ST3GAL5: variants seen among roughly 807,000 people sequenced by gnomAD.
The protein encoded by ST3GAL5 is lactosylceramide alpha-2,3-sialyltransferase.
A neutral mutation model predicts 46.1 loss-of-function variants in ST3GAL5; 25 were observed. The observed-to-expected ratio is 0.54, with a 90% CI of 0.40 to 0.76. The LOEUF (loss-of-function observed/expected upper bound fraction) is 0.76, where lower values mean the gene tolerates loss of function less well. Among genes scored for constraint, ST3GAL5 ranks in the 30% least tolerant of loss-of-function variants. The probability of loss-of-function intolerance (pLI) is 0.00; values close to 1 mark genes in which losing one functional copy is unlikely to be tolerated. For synonymous variants in ST3GAL5, 182 were observed against 192.7 expected (o/e 0.94, Z 0.46); for missense variants, 431 against 521.2 (o/e 0.83, Z 1.69).
intron 6 of ST3GAL5, among the ~76,000 whole-genome samples, chr2:85,841,756 A>G (rs1394836542): frequency 2.0e-5 from 3 of 151,924 alleles, no homozygotes; most frequent in Non-Finnish European, 4.4e-5. Context: ...TGGTGTCCCC[A>G]CTCCCTCCTC....
chr2:85,846,940 T>C (rs1558651593), intron 4 of ST3GAL5: 1 of 222,404 alleles, frequency 4.5e-6, no homozygotes, highest in African/African-American at 2.3e-5. Flanking sequence ...AGGGAAAATC[T>C]AGTCCACCAT....
Position 85,851,649 on chromosome 2 carries a change from C to T in ST3GAL5, c.319-3445G>A, listed in dbSNP as rs1057432716. 3.0e-5 allele frequency: 39 copies of T among 1,289,320 alleles called. No homozygotes were observed. The African/African-American group carries it at 5.0e-4, about 17-fold the overall frequency. 79.9% of individuals were successfully genotyped at this position (1,289,320 alleles called of 1,614,324 possible). ...CTCTCTTCCCCCTCCACTGCTTGCC[C>T]ATAGCTCACAGCTCAGAAGAAAGTG... On this transcript the variant is annotated intron_variant, in intron 3 of 6. Transcript: ENST00000638572.
Position 85,888,812 on chromosome 2 carries a change from T to A in ST3GAL5, c.82+12A>T. Reference sequence around the variant, plus strand: ...GCCCCCGCGACGCCGAGGAGGGGGCTGCGCCACGTACCTCGGCCGGCAGGT... The same window carrying A: ...GCCCCCGCGACGCCGAGGAGGGGGCAGCGCCACGTACCTCGGCCGGCAGGT... On this transcript the variant is annotated intron_variant, in intron 1 of 6. Transcript: ENST00000638572. 2 of 1,234,818 alleles carry A rather than the reference T, an allele frequency of 1.6e-6. No homozygotes were observed. Among genetic ancestry groups the A allele is most frequent in the Non-Finnish European group, 2.0e-6 (2 of 991,008 alleles). The allele number at this position is 1,234,818 out of a possible 1,614,324, so 76.5% of individuals were successfully genotyped here.
intron 4 of ST3GAL5, chr2:85,847,453 T>C (rs1440795468): frequency 9.9e-7 from 1 of 1,011,292 alleles, no homozygotes; most frequent in African/African-American, 1.7e-5. Context: ...TTTTGTGTTT[T>C]TGTTTCAACT....
Position 85,888,911 on chromosome 2 carries a change from T to G in ST3GAL5, c.-6A>C. Reference sequence around the variant, plus strand: ...CCCGCCGCCTTCGTCCGCATACTAATGAGGGGGCGCCGGCCGGCCGCCAGC... The same window carrying G: ...CCCGCCGCCTTCGTCCGCATACTAAGGAGGGGGCGCCGGCCGGCCGCCAGC... On this transcript the variant is annotated 5_prime_UTR_variant, in exon 1 of 7. Transcript: ENST00000638572. The G allele has an allele frequency of 7.4e-7, 1 of 1,353,460 alleles. No homozygotes were observed. The highest frequency in any genetic ancestry group is 9.6e-7 in the Non-Finnish European group (1 of 1,045,940). The allele number at this position is 1,353,460 out of a possible 1,614,324, so 83.8% of individuals were successfully genotyped here.
rs916185846 is a variant in ST3GAL5, at chr2:85,888,840, C to T, written c.66G>A (p.Ala22=). 1.2e-4 allele frequency: 158 copies of T among 1,294,418 alleles called. No individual in the cohort carries two copies. Among genetic ancestry groups the T allele is most frequent in the African/African-American group, 1.5e-4 (10 of 64,584 alleles). 80.2% of individuals were successfully genotyped at this position (1,294,418 alleles called of 1,614,324 possible). A position where few individuals can be genotyped will look rare whatever the true frequency, so the allele number is the denominator to read the frequency against. Reference sequence around the variant, plus strand: ...GCCACGTACCTCGGCCGGCAGGTGCCGCCGCTGCCTCGGTCCGCGGCTGCA... The same window carrying T: ...GCCACGTACCTCGGCCGGCAGGTGCTGCCGCTGCCTCGGTCCGCGGCTGCA... ...RPLQPRTEAA[A]APAGRAMPSE... Residue 22 remains alanine, a synonymous_variant, in exon 1 of 7, where the codon GCG becomes GCA. Transcript: ENST00000638572.
At chr2:85,846,752 G>C (rs908543515) in intron 4 of ST3GAL5, 189 bp from the exon 5 acceptor site, 1 of 602,052 alleles carries the variant, frequency 1.7e-6, no homozygotes, top group Admixed American at 2.9e-5. Flanking sequence ...TTTAGTACTT[G>C]AGCGAACACT....
intron 1 of ST3GAL5, among the ~76,000 whole-genome samples, chr2:85,869,731 C>T (rs551542555): frequency 1.3e-5 from 2 of 152,278 alleles, no homozygotes; most frequent in African/African-American, 4.8e-5. Flanking sequence ...TTTGCCTCAG[C>T]GGGCAGGAAC....
At chr2:85,874,165 G>A (rs995293956) in intron 1 of ST3GAL5, among the ~76,000 whole-genome samples, 4 of 152,238 alleles carry the variant, frequency 2.6e-5, no homozygotes, top group Middle Eastern at 3.4e-3. Flanking sequence ...AGTGATTCTC[G>A]TGCTTTTTAA....
At position 85,888,943 on chromosome 2, in the gene ST3GAL5, CCCCGCGCCCCCA is replaced by C; in HGVS notation, c.-50_-39del. 1 of 1,286,600 alleles carries C rather than the reference CCCCGCGCCCCCA, an allele frequency of 7.8e-7. No individual in the cohort carries two copies. The highest frequency in any genetic ancestry group is 9.9e-7 in the Non-Finnish European group (1 of 1,014,868). 79.7% of individuals were successfully genotyped at this position (1,286,600 alleles called of 1,614,324 possible). On this transcript the variant is annotated 5_prime_UTR_variant, in exon 1 of 7. Coordinates refer to ENST00000638572, the MANE Select transcript of ST3GAL5 (RefSeq NM_003896.4). ...GCGCCGGCCGGCCGCCAGCCCGGTA[CCCCGCGCCCCCA>C]CCCGCCCCCAGCGCCGCTCTCGCGC...
intron 1 of ST3GAL5, chr2:85,867,690 AG>A: frequency 1.3e-6 from 1 of 780,068 alleles, no homozygotes; most frequent in South Asian, 1.3e-5. Context: ...GTATACACCC[AG>A]GTCTTAAATA....
chr2:85,866,839 C>T (rs920785132), intron 1 of ST3GAL5, among the ~76,000 whole-genome samples: 1 of 152,184 alleles, frequency 6.6e-6, no homozygotes, highest in Non-Finnish European at 1.5e-5. Context: ...CACACAGCAG[C>T]CCCTTAAGAA....
rs1573611363 is a variant in ST3GAL5, at chr2:85,851,709, A to G, written c.319-3505T>C. 5 of 1,289,362 alleles carry G rather than the reference A, an allele frequency of 3.9e-6. No homozygotes were observed. The South Asian group carries it at 4.9e-5, about 13-fold the overall frequency. The allele number at this position is 1,289,362 out of a possible 1,614,324, so 79.9% of individuals were successfully genotyped here. A position where few individuals can be genotyped will look rare whatever the true frequency, so the allele number is the denominator to read the frequency against. On this transcript the variant is annotated intron_variant, in intron 3 of 6. Transcript: ENST00000638572. ...GAGTGCCGCACCTTCAGGAGCTGCAATGAAGAGAGGAAGCAGTGTGACTAG... is the reference window on the plus strand; with the variant it reads ...GAGTGCCGCACCTTCAGGAGCTGCAGTGAAGAGAGGAAGCAGTGTGACTAG...
intron 4 of ST3GAL5, among the ~76,000 whole-genome samples, chr2:85,847,075 T>C (rs1372233453): frequency 6.6e-6 from 1 of 152,328 alleles, no homozygotes; most frequent in South Asian, 2.1e-4. Flanking sequence ...ATTATAGGCA[T>C]GAGCCACTGC....
chr2:85,838,488 C>T lies in ST3GAL5; in HGVS notation c.*1656G>A, dbSNP rs1276791231. The T allele has an allele frequency of 6.6e-6, 1 of 152,176 alleles. No individual in the cohort carries two copies. Among genetic ancestry groups the T allele is most frequent in the Non-Finnish European group, 1.5e-5 (1 of 68,036 alleles). 9.4% of individuals were successfully genotyped at this position (152,176 alleles called of 1,614,324 possible). On this transcript the variant is annotated 3_prime_UTR_variant, in exon 7 of 7. Coordinates refer to ENST00000638572, the MANE Select transcript of ST3GAL5 (RefSeq NM_003896.4). ...TTCCAGAGTCTCAATTTTCTAAACT[C>T]ATTTGATGGGTGATAATCTTAAAAC...
chr2:85,884,830 T>A (rs755465275), intron 1 of ST3GAL5, among the ~76,000 whole-genome samples: 21 of 152,194 alleles, frequency 1.4e-4, no homozygotes, highest in Non-Finnish European at 2.6e-4. Context: ...ACATAAGCTC[T>A]GAATTATGAA....
chr2:85,872,161 A>T (rs1686003540), intron 1 of ST3GAL5, among the ~76,000 whole-genome samples: 1 of 152,202 alleles, frequency 6.6e-6, no homozygotes, highest in South Asian at 2.1e-4. Flanking sequence ...TCTCTGAGCC[A>T]GAACAAAGGC....
rs1235936211 is a variant in ST3GAL5 at position 85,839,744 on chromosome 2, C to A, written c.*400G>T. On this transcript the variant is annotated 3_prime_UTR_variant, in exon 7 of 7. Transcript: ENST00000638572. ...CACACCAAGCAGCGCAGCAGGGAACCAGAATGAGGTTCAGGGCCACCATCA... is the reference window on the plus strand; with the variant it reads ...CACACCAAGCAGCGCAGCAGGGAACAAGAATGAGGTTCAGGGCCACCATCA... The A allele has an allele frequency of 1.5e-5, 5 of 323,584 alleles. No individual in the cohort carries two copies. Among genetic ancestry groups the A allele is most frequent in the South Asian group, 1.0e-4 (4 of 38,310 alleles). 20.0% of individuals were successfully genotyped at this position (323,584 alleles called of 1,614,324 possible).
intron 3 of ST3GAL5, among the ~76,000 whole-genome samples, chr2:85,852,249 G>C (rs1353194116): frequency 2.6e-5 from 4 of 152,192 alleles, no homozygotes; most frequent in Non-Finnish European, 5.9e-5. Flanking sequence ...GTGGGAAGGA[G>C]CTCAATTCTG....
Sources: allele counts gnomAD v4.1 joint callset (sites outside exome capture counted in the v4.1 genomes callset), GRCh38; gene constraint gnomAD v4.1.1; transcripts MANE v1.5; gene names NCBI Gene and HGNC (gene_info 2026-07-23, HGNC 2026-07-21).